DCAF1: variants seen among roughly 807,000 people sequenced by gnomAD.
The protein encoded by DCAF1 is DDB1- and CUL4-associated factor 1.
DCAF1 carries 15 observed loss-of-function variants against 128.0 expected under a neutral mutation model. The ratio of observed to expected loss-of-function variants is 0.12; its 90% CI spans 0.08 to 0.18. DCAF1 has a LOEUF of 0.18. DCAF1 is among the 10% of genes least tolerant of loss of function. DCAF1 has a pLI of 1.00. For missense variants in DCAF1, 988 were observed against 1,649.5 expected, an observed-to-expected ratio of 0.60 and a Z score of 6.95; for synonymous variants, 610 against 603.0, an observed-to-expected ratio of 1.01 and a Z score of -0.17.
rs1553638789 is a variant in DCAF1 at position 51,441,694 on chromosome 3, G to A, written c.717C>T (p.Ile239=). ...DQEEASGDME[I]SFHLDSGHKT... ...TGTGGCCTGAATCAAGATGAAAGGA[G>A]ATCTCCATGTCTCCAGAAGCTTCCT... The change falls in exon 8 of 25, where the codon ATC becomes ATT. Residue 239 remains isoleucine, a synonymous_variant. Coordinates refer to ENST00000684031, the MANE Select transcript of DCAF1 (RefSeq NM_001387579.1). 4 of 1,613,974 alleles carry A rather than the reference G, an allele frequency of 2.5e-6. No homozygotes were observed. Among genetic ancestry groups the A allele is most frequent in the Non-Finnish European group, 3.4e-6 (4 of 1,179,896 alleles).
intron 3 of DCAF1, among the ~76,000 whole-genome samples, chr3:51,480,502 G>C (rs1212104199): frequency 6.6e-6 from 1 of 151,776 alleles, no homozygotes; most frequent in African/African-American, 2.4e-5. Context: ...GGGAGGCTGA[G>C]GCAGGAGAAT....
chr3:51,481,936 A>G (rs2108384788), intron 3 of DCAF1, among the ~76,000 whole-genome samples: 1 of 152,292 alleles, frequency 6.6e-6, no homozygotes, highest in Non-Finnish European at 1.5e-5. Context: ...GGTTGTGGTG[A>G]GCCAAGATCA....
intron 3 of DCAF1, among the ~76,000 whole-genome samples, chr3:51,476,558 T>A: frequency 9.5e-6 from 1 of 105,072 alleles, no homozygotes; most frequent in African/African-American, 3.9e-5. Context: ...CTTTACAGTA[T>A]ATAAATTATA....
At chr3:51,504,146 C>T (rs1553664883), upstream of DCAF1, among the ~76,000 whole-genome samples, 13 of 151,354 alleles carry the variant, frequency 8.6e-5, no homozygotes, top group Non-Finnish European at 1.5e-5. Flanking sequence ...AGGCCATTCT[C>T]CTTCCTCAGC....
rs1698643216 is a variant in DCAF1 at position 51,413,812 on chromosome 3, T to C, written c.3931+138A>G. The C allele has an allele frequency of 1.2e-5, 14 of 1,136,386 alleles. 1 individual carries two copies. The South Asian group carries it at 4.0e-4, about 33-fold the overall frequency. 70.4% of individuals were successfully genotyped at this position (1,136,386 alleles called of 1,614,324 possible). A position where few individuals can be genotyped will look rare whatever the true frequency, so the allele number is the denominator to read the frequency against. The stretch of plus-strand genomic sequence containing the variant: ...ATATCTTTTGTCACCATTCATACTA[T>C]CAATTTTTTATCTTTTATGTTACAA... On this transcript the variant is annotated intron_variant, in intron 20 of 24. Transcript: ENST00000684031.
At chr3:51,470,832 AT>A in intron 4 of DCAF1, 96 bp downstream of exon 4, 2 of 830,628 alleles carry the variant, frequency 2.4e-6, no homozygotes. Flanking sequence ...CCCATAAGCA[AT>A]TTTTCTTTTT....
rs559280019 is a variant in DCAF1, at chr3:51,418,891, G to T, written c.3237-15C>A. 5.0e-6 allele frequency: 8 copies of T among 1,589,540 alleles called. No homozygotes were observed. Among genetic ancestry groups the T allele is most frequent in the Non-Finnish European group, 6.9e-6 (8 of 1,167,554 alleles). ...TAGGACGGAATCTAAGCAAAAAAAA[G>T]AGAGAATCACAGGCAAAGAATGTGC... is the stretch of plus-strand genomic sequence containing the variant. On this transcript the variant is annotated splice_polypyrimidine_tract_variant and intron_variant, in intron 15 of 24. Transcript: ENST00000684031.
chr3:51,422,113 T>G (rs555735137), intron 14 of DCAF1, among the ~76,000 whole-genome samples, 194 bp downstream of exon 14: 1 of 152,166 alleles, frequency 6.6e-6, no homozygotes, highest in Non-Finnish European at 1.5e-5. Flanking sequence ...TGTATTTTTG[T>G]TTTTTGGTTT....
chr3:51,416,047 A>T (rs1698851019), intron 18 of DCAF1, among the ~76,000 whole-genome samples: 1 of 152,126 alleles, frequency 6.6e-6, no homozygotes. Context: ...GTCAGGTGGT[A>T]CAACACCCTC....
In DCAF1 at chr3:51,420,383, G is replaced by A; in HGVS notation, c.2587C>T (p.Leu863Phe). Residue 863 changes from leucine (L) to phenylalanine (F), a missense_variant, in exon 15 of 25, where the codon CTT becomes TTT. By Grantham distance (22) the Leu-to-Phe change is conservative. Transcript: ENST00000684031. This position sits in a 1 kb window ranked among gnomAD's most constrained non-coding sequence, Gnocchi z 6.5. ...GTCAGCACGGTTGCTGTTTCTCCAA[G>A]CCCTTTAGAAATAAGATGGTTTCGT... ...LIRNHLISKG[L>F]GETATVLTKE... 6.2e-7 allele frequency: 1 copy of A among 1,614,060 alleles called. No individual in the cohort carries two copies. The highest frequency in any genetic ancestry group is 8.5e-7 in the Non-Finnish European group (1 of 1,179,906).
intron 11 of DCAF1, among the ~76,000 whole-genome samples, 200 bp downstream of exon 11, chr3:51,429,833 T>C (rs1553635098): frequency 6.6e-6 from 1 of 151,670 alleles, no homozygotes; most frequent in African/African-American, 2.4e-5. Flanking sequence ...AAGGCAAGTC[T>C]ACAACGGCAC....
intron 4 of DCAF1, among the ~76,000 whole-genome samples, chr3:51,468,325 C>T (rs1553647237): frequency 2.0e-5 from 3 of 152,020 alleles, no homozygotes. Flanking sequence ...GTGCCTGCCA[C>T]CACGCTCAGC....
intron 4 of DCAF1, among the ~76,000 whole-genome samples, chr3:51,469,588 A>C (rs532714652): frequency 4.1e-4 from 62 of 152,174 alleles, no homozygotes; most frequent in Middle Eastern, 3.4e-3. Flanking sequence ...TATATGTACT[A>C]TGGGCCCATG....
chr3:51,439,220 C>T (rs1276805794), intron 9 of DCAF1, among the ~76,000 whole-genome samples: 21 of 152,038 alleles, frequency 1.4e-4, no homozygotes, highest in African/African-American at 4.8e-4. Context: ...CCTCCGCCTC[C>T]CGGGTTCAAG....
intron 3 of DCAF1, among the ~76,000 whole-genome samples, chr3:51,479,615 G>A (rs1201275162): frequency 3.3e-5 from 5 of 152,046 alleles, no homozygotes; most frequent in African/African-American, 1.2e-4. Context: ...GGTGAAACCT[G>A]AAACCTCATC....
At chr3:51,433,974 T>C (rs1700599470) in intron 9 of DCAF1, among the ~76,000 whole-genome samples, 1 of 149,838 alleles carries the variant, frequency 6.7e-6, no homozygotes, top group Admixed American at 6.6e-5. Flanking sequence ...CCCAGCTACT[T>C]GGGAGGCTGA....
chr3:51,398,845 GGA>G lies in DCAF1; in HGVS notation c.4466-20_4466-19del, dbSNP rs1418860972. ...GCTGTCAGCTGAAAGGGAAGAAAAGGGAGAGACAAGATTACACACTAGGCTTA... is the reference window on the plus strand; with the variant it reads ...GCTGTCAGCTGAAAGGGAAGAAAAGGGAGACAAGATTACACACTAGGCTTA... On this transcript the variant is annotated intron_variant, in intron 24 of 24. Coordinates refer to ENST00000684031, the MANE Select transcript of DCAF1 (RefSeq NM_001387579.1). 4.4e-6 allele frequency: 7 copies of G among 1,574,324 alleles called. No homozygotes were observed. Among genetic ancestry groups the G allele is most frequent in the Non-Finnish European group, 5.2e-6 (6 of 1,159,306 alleles).
At position 51,468,624 on chromosome 3, in the gene DCAF1, A is replaced by C. The variant is rs574648252; in HGVS notation, c.188-1748T>G. On this transcript the variant is annotated intron_variant, in intron 4 of 24. Transcript: ENST00000684031. ...TTACCAAGCTGTTAATTAGTATCTC[A>C]AAGTAATTCACAAAAAGAAAGAAAC... 1.4e-4 allele frequency among the ~76,000 whole-genome samples: 21 copies of C among 152,318 alleles called. No homozygotes were observed. In the South Asian group the frequency reaches 4.3e-3, roughly 32 times the overall value.
At position 51,459,356 on chromosome 3, in the gene DCAF1, G is replaced by A. The variant is rs548388891; in HGVS notation, c.375+3758C>T. 6.6e-5 allele frequency among the ~76,000 whole-genome samples: 10 copies of A among 152,242 alleles called. No homozygotes were observed. In the East Asian group the frequency reaches 1.9e-3, roughly 29 times the overall value. ...CATACATCCTCCCAAGACTAAACCA[G>A]GAAGAAGTTGAATCTCTGAACAGAC... On this transcript the variant is annotated intron_variant, in intron 6 of 24. Transcript: ENST00000684031.
Sources: gnomAD v4.1 joint callset for allele counts (sites outside exome capture counted in the v4.1 genomes callset) on GRCh38, gnomAD v4.1.1 for gene constraint, Gnocchi (gnomAD v3.1) non-coding constraint, MANE v1.5 for transcripts, NCBI Gene and HGNC (gene_info 2026-07-23, HGNC 2026-07-21) for gene names.